The following UBAP1 variants were observed in gnomAD, a reference collection of about 807,000 sequenced individuals.
UBAP1 encodes the protein ubiquitin-associated protein 1.
UBAP1 carries 5 observed loss-of-function variants against 39.0 expected under a neutral mutation model. The ratio of observed to expected loss-of-function variants is 0.13; its 90% CI spans 0.07 to 0.27. UBAP1 has a LOEUF of 0.27. Ranked by LOEUF, UBAP1 falls within the 10% of genes least tolerant of loss-of-function variation. The pLI, the probability that UBAP1 is intolerant of heterozygous loss-of-function variation, is 1.00. For missense variants in UBAP1, 490 were observed against 608.1 expected, an observed-to-expected ratio of 0.81 and a Z score of 2.04; for synonymous variants, 211 against 225.1, an observed-to-expected ratio of 0.94 and a Z score of 0.56.
At chr9:34,200,468 C>A (rs957466372) in intron 1 of UBAP1, among the ~76,000 whole-genome samples, 1 of 152,068 alleles carries the variant, frequency 6.6e-6, no homozygotes, top group African/African-American at 2.4e-5. Context: ...AGTGCTATTA[C>A]GGTTTTATTT....
At chr9:34,210,708 A>G (rs1831967989) in intron 1 of UBAP1, among the ~76,000 whole-genome samples, 2 of 148,264 alleles carry the variant, frequency 1.3e-5, no homozygotes, top group South Asian at 4.4e-4. Context: ...TGACAGAGGG[A>G]GACTCCATCT....
intron 1 of UBAP1, among the ~76,000 whole-genome samples, chr9:34,218,876 G>A (rs898218806): frequency 6.6e-6 from 1 of 152,038 alleles, no homozygotes; most frequent in African/African-American, 2.4e-5. Flanking sequence ...GGCAGAGGTT[G>A]CAATAAAGAT....
chr9:34,239,897 C>T (rs1408121395), intron 3 of UBAP1, among the ~76,000 whole-genome samples: 1 of 152,188 alleles, frequency 6.6e-6, no homozygotes, highest in Non-Finnish European at 1.5e-5. Context: ...AGCCCCCTCC[C>T]TCCCTGCACC....
At chr9:34,227,715 C>G (rs530835192) in intron 2 of UBAP1, among the ~76,000 whole-genome samples, 7 of 152,244 alleles carry the variant, frequency 4.6e-5, no homozygotes, top group African/African-American at 1.7e-4. Flanking sequence ...GAGGCATGCA[C>G]TTAGTGGCTA....
At chr9:34,231,098 G>A (rs954271483) in intron 2 of UBAP1, among the ~76,000 whole-genome samples, 4 of 150,584 alleles carry the variant, frequency 2.7e-5, no homozygotes, top group Middle Eastern at 3.4e-3. Context: ...CTGCACTCCA[G>A]CCTGGGCAAA....
At chr9:34,248,954 TC>T (rs1220916891) in intron 4 of UBAP1, among the ~76,000 whole-genome samples, 2 of 152,206 alleles carry the variant, frequency 1.3e-5, no homozygotes, top group Non-Finnish European at 2.9e-5. Flanking sequence ...TGTGCTGTCT[TC>T]CTGCCTTGGG....
chr9:34,194,255 G>C (rs1830895671), intron 1 of UBAP1, among the ~76,000 whole-genome samples: 1 of 151,810 alleles, frequency 6.6e-6, no homozygotes, highest in Non-Finnish European at 1.5e-5. Flanking sequence ...ATATTGCTAA[G>C]AATGTGTAAT....
intron 1 of UBAP1, among the ~76,000 whole-genome samples, chr9:34,191,212 A>T (rs1206162809): frequency 6.6e-6 from 1 of 152,082 alleles, no homozygotes; most frequent in Non-Finnish European, 1.5e-5. Context: ...GATAACTTGG[A>T]TGTATTATTA....
chr9:34,195,013 A>G (rs1414607766), intron 1 of UBAP1, among the ~76,000 whole-genome samples: 1 of 152,190 alleles, frequency 6.6e-6, no homozygotes, highest in African/African-American at 2.4e-5. Flanking sequence ...ATTCTTGCTC[A>G]AACTCACTTT....
chr9:34,248,619 A>C (rs1403910551), intron 4 of UBAP1, among the ~76,000 whole-genome samples: 1 of 152,188 alleles, frequency 6.6e-6, no homozygotes, highest in Non-Finnish European at 1.5e-5. Flanking sequence ...TTGTACCATA[A>C]TGACAGCCCT....
chr9:34,215,299 G>T (rs994346492), intron 1 of UBAP1, among the ~76,000 whole-genome samples: 2 of 151,418 alleles, frequency 1.3e-5, no homozygotes, highest in African/African-American at 4.9e-5. Context: ...GTATATATAT[G>T]TATATAAGTA....
intron 1 of UBAP1, among the ~76,000 whole-genome samples, chr9:34,216,126 ACG>A (rs1416762287): frequency 6.8e-6 from 1 of 147,630 alleles, no homozygotes; most frequent in African/African-American, 2.6e-5. Context: ...AGTTATTGAC[ACG>A]CGTCTTTCTG....
At chr9:34,248,340 G>T (rs1834284444) in intron 4 of UBAP1, among the ~76,000 whole-genome samples, 1 of 152,136 alleles carries the variant, frequency 6.6e-6, no homozygotes, top group South Asian at 2.1e-4. Context: ...GGCTAGATAT[G>T]ATTTTATTAA....
chr9:34,236,600 C>G (rs1239139611), intron 3 of UBAP1, among the ~76,000 whole-genome samples: 2 of 152,140 alleles, frequency 1.3e-5, no homozygotes, highest in Non-Finnish European at 2.9e-5. Context: ...GCTTTTTCAC[C>G]TCTTTCCCTT....
At chr9:34,189,466 G>C (rs1435678874) in intron 1 of UBAP1, among the ~76,000 whole-genome samples, 2 of 151,962 alleles carry the variant, frequency 1.3e-5, no homozygotes, top group Non-Finnish European at 2.9e-5. Context: ...TGGGATTACA[G>C]GCATGAGCCA....
chr9:34,250,053 C>T (rs1284496981), intron 5 of UBAP1, 92 bp downstream of exon 5: 19 of 1,360,208 alleles, frequency 1.4e-5, no homozygotes, highest in East Asian at 2.4e-5. Context: ...ACTTGTAGCA[C>T]CAACCTCCTT....
rs1833571354 is a variant in UBAP1 at position 34,234,281 on chromosome 9, G to A, written c.100G>A (p.Val34Ile). 6.2e-7 allele frequency: 1 copy of A among 1,613,318 alleles called. No individual in the cohort carries two copies. Among genetic ancestry groups the A allele is most frequent in the Non-Finnish European group, 8.5e-7 (1 of 1,179,910 alleles). ...AGACAAATTCAAAACACCAGCTAAA[G>A]TTGGTCTACCTATTGGCTTCTCCTT... ...TGDKFKTPAK[V>I]GLPIGFSLPD... Residue 34 changes from valine (V) to isoleucine (I), a missense_variant, in exon 3 of 7, where the codon GTT (valine) becomes ATT (isoleucine). By Grantham distance (29) the Val-to-Ile change is conservative. This residue lies in a region of UBAP1 where 144 missense variants were observed against 184.4 expected (regional missense o/e 0.78). Transcript: ENST00000297661.
intron 1 of UBAP1, among the ~76,000 whole-genome samples, chr9:34,219,093 T>C (rs991816865): frequency 4.6e-5 from 7 of 152,110 alleles, no homozygotes; most frequent in African/African-American, 1.7e-4. Context: ...GGAAACTTTT[T>C]TTTTTTCTTT....
At chr9:34,182,648 T>C (rs866208759) in intron 1 of UBAP1, among the ~76,000 whole-genome samples, 1 of 61,740 alleles carries the variant, frequency 1.6e-5, no homozygotes, top group Non-Finnish European at 4.2e-5. Context: ...TCTTTCTTTC[T>C]TTCTTTCTTT....
Sources: allele counts gnomAD v4.1 joint callset (sites outside exome capture counted in the v4.1 genomes callset), GRCh38; gene constraint gnomAD v4.1.1; regional missense constraint gnomAD v4.1.1; transcripts MANE v1.5; gene names NCBI Gene and HGNC (gene_info 2026-07-23, HGNC 2026-07-21).